ARHGAP23: variants seen among roughly 807,000 people sequenced by gnomAD.
ARHGAP23 encodes rho GTPase-activating protein 23.
In ARHGAP23, 34 loss-of-function variants were observed where a neutral mutation model predicts 136.3. The ratio of observed to expected loss-of-function variants is 0.25; its 90% CI spans 0.19 to 0.33. The LOEUF is 0.33. Among genes scored for constraint, ARHGAP23 ranks in the 10% least tolerant of loss-of-function variants. The probability of loss-of-function intolerance (pLI) is 1.00; values close to 1 mark genes in which losing one functional copy is unlikely to be tolerated. For synonymous variants in ARHGAP23, 832 were observed against 920.5 expected (o/e 0.90, Z 1.74); for missense variants, 1,808 against 2,139.0 (o/e 0.85, Z 3.05).
At chr17:38,456,667 TG>T (rs1447269166) in intron 1 of ARHGAP23, among the ~76,000 whole-genome samples, 1 of 152,216 alleles carries the variant, frequency 6.6e-6, no homozygotes, top group African/African-American at 2.4e-5. Flanking sequence ...AGCTTCTCCG[TG>T]GCTCCCATCT....
intron 1 of ARHGAP23, among the ~76,000 whole-genome samples, chr17:38,435,521 G>A (rs1229575038): frequency 6.6e-6 from 1 of 152,212 alleles, no homozygotes; most frequent in African/African-American, 2.4e-5. Context: ...CCTTGCCCCC[G>A]AATCTGATGC....
chr17:38,440,663 TGAAA>T (rs1301699307), intron 1 of ARHGAP23, among the ~76,000 whole-genome samples: 1 of 152,132 alleles, frequency 6.6e-6, no homozygotes, highest in African/African-American at 2.4e-5. Context: ...AGTCCTAGAA[TGAAA>T]GAAAGAGGAA....
intron 1 of ARHGAP23, among the ~76,000 whole-genome samples, chr17:38,442,503 C>T (rs2038941926): frequency 6.6e-6 from 1 of 152,208 alleles, no homozygotes; most frequent in African/African-American, 2.4e-5. Context: ...CCTTGCCTTC[C>T]AGGACCTACA....
intron 14 of ARHGAP23, 132 bp from the exon 15 acceptor site, chr17:38,481,890 C>T (rs1401595542): frequency 6.8e-6 from 6 of 879,444 alleles, no homozygotes; most frequent in Non-Finnish European, 9.8e-6. Flanking sequence ...CATACAATGT[C>T]CCATCAGCCC....
intron 17 of ARHGAP23, among the ~76,000 whole-genome samples, chr17:38,487,764 C>T (rs1224511403): frequency 8.6e-5 from 13 of 151,696 alleles, no homozygotes; most frequent in African/African-American, 1.7e-4. Flanking sequence ...CTAGGGAGGC[C>T]GAGACAGGAG....
intron 1 of ARHGAP23, among the ~76,000 whole-genome samples, chr17:38,429,647 C>T (rs528724840): frequency 4.6e-5 from 7 of 152,278 alleles, no homozygotes; most frequent in South Asian, 2.1e-4. Flanking sequence ...ATCTGCATCT[C>T]TCCCCGACTC....
intron 1 of ARHGAP23, among the ~76,000 whole-genome samples, chr17:38,446,020 CTTTT>C (rs56071314): frequency 2.6e-4 from 36 of 139,492 alleles, no homozygotes; most frequent in Admixed American, 4.3e-4. Context: ...AAATATCTTT[CTTTT>C]TTTTTTTTTT....
rs549202893 is a variant in ARHGAP23 at position 38,443,796 on chromosome 17, G to A, written c.64-14306G>A. 3.3e-5 allele frequency among the ~76,000 whole-genome samples: 5 copies of A among 152,260 alleles called. No individual in the cohort carries two copies. In the Middle Eastern group the frequency reaches 0.017, roughly 518 times the overall value. ...ATCTGCTGAGACCTGCCCTGGGAGG[G>A]GACATGGTCTTAGCTTGACTGGGAC... On this transcript the variant is annotated intron_variant, in intron 1 of 23. Transcript: ENST00000622683.
chr17:38,424,971 C>T (rs1356190666), upstream of ARHGAP23, among the ~76,000 whole-genome samples: 3 of 152,340 alleles, frequency 2.0e-5, no homozygotes, highest in East Asian at 3.9e-4. Flanking sequence ...TTTCCTTCCT[C>T]CTGCTCACCA....
chr17:38,445,893 C>T (rs1198984718), intron 1 of ARHGAP23, among the ~76,000 whole-genome samples: 1 of 152,100 alleles, frequency 6.6e-6, no homozygotes, highest in African/African-American at 2.4e-5. Flanking sequence ...CTCAGCCTCC[C>T]AAAGTGCTGG....
chr17:38,475,642 T>A (rs1363408759), intron 11 of ARHGAP23, among the ~76,000 whole-genome samples: 1 of 152,226 alleles, frequency 6.6e-6, no homozygotes, highest in Non-Finnish European at 1.5e-5. Context: ...GAGCTCTTGG[T>A]CTGATGGGAG....
chr17:38,464,931 G>GCGGC (rs1035026629), intron 6 of ARHGAP23, among the ~76,000 whole-genome samples: 56 of 152,188 alleles, frequency 3.7e-4, no homozygotes, highest in Admixed American at 1.2e-3. Flanking sequence ...CACCACCGAC[G>GCGGC]CGGCGAGGCC....
At chr17:38,437,726 C>T (rs955649272) in intron 1 of ARHGAP23, among the ~76,000 whole-genome samples, 1 of 151,758 alleles carries the variant, frequency 6.6e-6, no homozygotes, top group South Asian at 2.1e-4. Context: ...GGACACCCCT[C>T]ACCCAGGGAA....
chr17:38,461,885 T>G (rs1291451152), intron 3 of ARHGAP23, among the ~76,000 whole-genome samples: 1 of 152,144 alleles, frequency 6.6e-6, no homozygotes, highest in Non-Finnish European at 1.5e-5. Context: ...GTGCTGCACA[T>G]GTGTGTGTGA....
At chr17:38,467,614 A>C (rs2039642995) in intron 7 of ARHGAP23, among the ~76,000 whole-genome samples, 1 of 150,832 alleles carries the variant, frequency 6.6e-6, no homozygotes. Flanking sequence ...CCATCCATCC[A>C]TCCATCCATC....
rs1232212195 is a variant in ARHGAP23, at chr17:38,506,619, G to A, written c.3448-3325G>A. On this transcript the variant is annotated intron_variant, in intron 23 of 23. Transcript: ENST00000622683. ...TGGTAGATGGCCACCTTCTCACACT[G>A]TGTCCTTACAAGGCAAGGCAGAAAG... is the stretch of plus-strand genomic sequence containing the variant. Among the ~76,000 whole-genome samples the A allele has an allele frequency of 8.3e-4, 127 of 152,200 alleles. 1 individual carries two copies. Among genetic ancestry groups the A allele is most frequent in the Admixed American group, 8.3e-3 (126 of 15,272 alleles).
chr17:38,503,401 C>T (rs55888864), intron 23 of ARHGAP23, among the ~76,000 whole-genome samples: 1,747 of 152,336 alleles, frequency 0.011, 11 homozygotes, highest in Middle Eastern at 0.031. Flanking sequence ...AGGCAGATTT[C>T]CTGAAGGGGC....
At chr17:38,481,731 C>T (rs1245986547) in intron 14 of ARHGAP23, among the ~76,000 whole-genome samples, 8 of 152,180 alleles carry the variant, frequency 5.3e-5, no homozygotes, top group Non-Finnish European at 1.2e-4. Context: ...TGCACTACAG[C>T]CTGAGCGACA....
At chr17:38,484,159 G>A (rs1164309240) in intron 16 of ARHGAP23, among the ~76,000 whole-genome samples, 3 of 152,104 alleles carry the variant, frequency 2.0e-5, no homozygotes, top group Admixed American at 1.3e-4. Context: ...CTATGGAAGC[G>A]CTAAGTGTCG....
Sources: allele counts gnomAD v4.1 joint callset (sites outside exome capture counted in the v4.1 genomes callset), GRCh38; gene constraint gnomAD v4.1.1; transcripts MANE v1.5; gene names NCBI Gene and HGNC (gene_info 2026-07-23, HGNC 2026-07-21).